Variants in HTD2 observed in about 807,000 individuals in gnomAD.
HTD2 encodes hydroxyacyl-thioester dehydratase type 2.
Under a neutral mutation model 3.1 loss-of-function variants are expected in HTD2, and 1 was observed. The ratio of observed to expected loss-of-function variants is 0.32; its 90% CI spans 0.11 to 1.52. HTD2 has a LOEUF of 1.52. HTD2 is among the 40% of genes most tolerant of loss of function. The pLI, the probability that HTD2 is intolerant of heterozygous loss-of-function variation, is 0.39. For synonymous variants in HTD2, 50 were observed against 28.9 expected (o/e 1.73, Z -2.34); for missense variants, 150 against 79.6 (o/e 1.88, Z -3.36).
intron 1 of HTD2, among the ~76,000 whole-genome samples, chr3:58,309,143 C>T (rs753359677): frequency 3.3e-5 from 5 of 152,210 alleles, no homozygotes; most frequent in Non-Finnish European, 5.9e-5. Flanking sequence ...GCAGAACGAC[C>T]ATCCCTCATT....
At chr3:58,310,982 T>A (rs368908767) in intron 2 of HTD2, among the ~76,000 whole-genome samples, 16 of 130,158 alleles carry the variant, frequency 1.2e-4, no homozygotes, top group South Asian at 2.4e-4. Flanking sequence ...AAAAAAAAAA[T>A]AAATTATACA....
At chr3:58,310,902 C>G (rs898574112) in intron 2 of HTD2, among the ~76,000 whole-genome samples, 2 of 149,404 alleles carry the variant, frequency 1.3e-5, no homozygotes, top group Non-Finnish European at 3.0e-5. Flanking sequence ...TGCACTCCAG[C>G]CTGGCAACAG....
intron 1 of HTD2, among the ~76,000 whole-genome samples, chr3:58,307,043 G>C (rs1380562019): frequency 6.6e-6 from 1 of 152,352 alleles, no homozygotes; most frequent in East Asian, 1.9e-4. Context: ...TCCGGTGGCT[G>C]CCTGGAGGAA....
At chr3:58,314,326 G>C (rs1417373860) in intron 2 of HTD2, among the ~76,000 whole-genome samples, 2 of 152,192 alleles carry the variant, frequency 1.3e-5, no homozygotes, top group African/African-American at 4.8e-5. Flanking sequence ...ACTCCAGCCA[G>C]GGTGACAGAG....
At position 58,310,383 on chromosome 3, in the gene HTD2, G is replaced by A. The variant is rs750201169; in HGVS notation, c.-415-124G>A. Reference sequence around the variant, plus strand: ...GAGTAGTTTACAAAAACCCTTCCGAGTACCACTACATGAAAGTCTGCCTGT... The same window carrying A: ...GAGTAGTTTACAAAAACCCTTCCGAATACCACTACATGAAAGTCTGCCTGT... On this transcript the variant is annotated intron_variant, in intron 1 of 4. Transcript: ENST00000461393. 9.9e-6 allele frequency: 16 copies of A among 1,613,902 alleles called. No homozygotes were observed. The Admixed American group carries it at 2.7e-4, about 27-fold the overall frequency.
In HTD2 at chr3:58,318,940, C is replaced by G. The variant is rs2097491442; in HGVS notation, c.*820C>G. 1 of 151,410 alleles carries G rather than the reference C, an allele frequency of 6.6e-6. No individual in the cohort carries two copies. The highest frequency in any genetic ancestry group is 1.5e-5 in the Non-Finnish European group (1 of 67,966). The allele number at this position is 151,410 out of a possible 1,614,324, so 9.4% of individuals were successfully genotyped here. On this transcript the variant is annotated 3_prime_UTR_variant, in exon 5 of 5. Transcript: ENST00000461393. ...CTTGAACCTGGGAGGTTGCAGTGAG[C>G]TGAAATCACACCACTGCACTTCAGC...
rs78662364 is a variant in HTD2 at position 58,306,926 on chromosome 3, G to A, written c.-416+275G>A. Among the ~76,000 whole-genome samples, 1,261 of 152,316 alleles carry A rather than the reference G, an allele frequency of 8.3e-3. 19 individuals are homozygous for A. Among genetic ancestry groups the A allele is most frequent in the African/African-American group, 0.029 (1,206 of 41,560 alleles). On this transcript the variant is annotated intron_variant, in intron 1 of 4. Coordinates refer to ENST00000461393, the MANE Select transcript of HTD2 (RefSeq NM_001348712.2). ...AGAAAAAGGCAAATGCTACGAAGAA[G>A]AAAGCAGGGACGGGGCATGGGGGTG...
At position 58,318,141 on chromosome 3, in the gene HTD2, A is replaced by G. The variant is rs2097490342; in HGVS notation, c.*21A>G. 1 of 622,570 alleles carries G rather than the reference A, an allele frequency of 1.6e-6. No individual in the cohort carries two copies. Among genetic ancestry groups the G allele is most frequent in the African/African-American group, 1.8e-5 (1 of 54,378 alleles). The allele number at this position is 622,570 out of a possible 1,614,324, so 38.6% of individuals were successfully genotyped here. On this transcript the variant is annotated 3_prime_UTR_variant, in exon 5 of 5. Transcript: ENST00000461393. The stretch of plus-strand genomic sequence containing the variant: ...CCTGAAATAGATGTTTTAAAGATGC[A>G]ACCTCAAACACCAATGCTGTTGTTA...
Position 58,317,840 on chromosome 3 carries a change from C to T in HTD2, c.227C>T (p.Thr76Ile). The change falls in exon 5 of 5, where the codon ACC (threonine) becomes ATC (isoleucine). Residue 76 changes from threonine to isoleucine, a missense_variant. Thr to Ile is a moderately conservative substitution (Grantham distance 89). Transcript: ENST00000461393. The stretch of plus-strand genomic sequence containing the variant: ...TTGAATGAAGACTTTGCAAAACACA[C>T]CAAGTTTGGAAATACAATTGTACAT... The part of the protein sequence containing the change: ...LHLNEDFAKH[T>I]KFGNTIVHGV... 1.4e-6 allele frequency: 1 copy of T among 703,022 alleles called. No homozygotes were observed. The highest frequency in any genetic ancestry group is 2.6e-6 in the Non-Finnish European group (1 of 385,002). 43.5% of individuals were successfully genotyped at this position (703,022 alleles called of 1,614,324 possible). A position where few individuals can be genotyped will look rare whatever the true frequency, so the allele number is the denominator to read the frequency against.
chr3:58,310,275 A>G lies in HTD2; in HGVS notation c.-415-232A>G, dbSNP rs372460517. ...CAAAACTCTGAAAAATAGCATGTGC[A>G]TTGGTCATTTCTAGCCCTCTTGACT... is the stretch of plus-strand genomic sequence containing the variant. On this transcript the variant is annotated intron_variant, in intron 1 of 4. Transcript: ENST00000461393. The G allele has an allele frequency of 4.7e-6, 7 of 1,499,720 alleles. No homozygotes were observed. In the Middle Eastern group the frequency reaches 5.2e-4, roughly 111 times the overall value. The allele number at this position is 1,499,720 out of a possible 1,614,324, so 92.9% of individuals were successfully genotyped here.
At position 58,317,533 on chromosome 3, in the gene HTD2, C is replaced by T. The variant is rs375342958; in HGVS notation, c.-81C>T. On this transcript the variant is annotated 5_prime_UTR_variant, in exon 5 of 5. Coordinates refer to ENST00000461393, the MANE Select transcript of HTD2 (RefSeq NM_001348712.2). The stretch of plus-strand genomic sequence containing the variant: ...TCCATTTTGGAAACGTTCATCCACT[C>T]TCATATTTATTTTTTGGTGCCTGCA... The T allele has an allele frequency of 2.8e-5, 39 of 1,397,242 alleles. No individual in the cohort carries two copies. Among genetic ancestry groups the T allele is most frequent in the South Asian group, 2.6e-4 (22 of 85,140 alleles). 86.6% of individuals were successfully genotyped at this position (1,397,242 alleles called of 1,614,324 possible).
Position 58,316,551 on chromosome 3 carries a change from G to A in HTD2, c.-294G>A, listed in dbSNP as rs1419522024. On this transcript the variant is annotated 5_prime_UTR_variant, in exon 3 of 5. An upstream start codon of the reference 5' UTR is lost. Transcript: ENST00000461393. ...CTTACCTTTGGACATCCTAACCTATGAAGAGAAGACCTTGTCAGCCATCTT... is the reference window on the plus strand; with the variant it reads ...CTTACCTTTGGACATCCTAACCTATAAAGAGAAGACCTTGTCAGCCATCTT... The A allele has an allele frequency of 6.2e-7, 1 of 1,614,138 alleles. No homozygotes were observed.
At chr3:58,313,889 T>C (rs1474123552) in intron 2 of HTD2, among the ~76,000 whole-genome samples, 2 of 151,852 alleles carry the variant, frequency 1.3e-5, no homozygotes, top group African/African-American at 4.8e-5. Flanking sequence ...GTGTCTAGAA[T>C]ATATAAATGA....
intron 2 of HTD2, among the ~76,000 whole-genome samples, chr3:58,313,002 G>T (rs560063586): frequency 7.3e-6 from 1 of 137,540 alleles, no homozygotes; most frequent in Non-Finnish European, 1.5e-5. Flanking sequence ...GGTAGCTCAC[G>T]CCTGTAATCC....
intron 2 of HTD2, among the ~76,000 whole-genome samples, chr3:58,313,429 A>T (rs1358697766): frequency 1.3e-5 from 2 of 152,236 alleles, no homozygotes; most frequent in Non-Finnish European, 2.9e-5. Context: ...AGAAGACAGG[A>T]TGCTCAGGAA....
intron 2 of HTD2, 51 bp downstream of exon 2, chr3:58,310,642 A>G: frequency 1.3e-6 from 2 of 1,521,628 alleles, no homozygotes; most frequent in Admixed American, 4.0e-5. Context: ...TGTAAGAAAT[A>G]CAGAAAGAGG....
intron 3 of HTD2, 143 bp downstream of exon 3, chr3:58,316,734 C>A: frequency 1.1e-6 from 1 of 874,626 alleles, no homozygotes; most frequent in Non-Finnish European, 1.8e-6. Flanking sequence ...TGAATATGAA[C>A]ATTCATCCAC....
At chr3:58,308,366 C>G (rs2097477999) in intron 1 of HTD2, among the ~76,000 whole-genome samples, 1 of 152,146 alleles carries the variant, frequency 6.6e-6, no homozygotes, top group Non-Finnish European at 1.5e-5. Context: ...GCACTGTATC[C>G]TTAACCTCCC....
intron 2 of HTD2, among the ~76,000 whole-genome samples, chr3:58,315,061 G>A (rs1223364980): frequency 7.2e-5 from 11 of 152,056 alleles, no homozygotes; most frequent in Admixed American, 6.6e-4. Flanking sequence ...TGTTCCAGAG[G>A]ACTGAAAACT....
Sources: gnomAD v4.1 joint callset for allele counts (sites outside exome capture counted in the v4.1 genomes callset) on GRCh38, gnomAD v4.1.1 for gene constraint, MANE v1.5 for transcripts, NCBI Gene and HGNC (gene_info 2026-07-23, HGNC 2026-07-21) for gene names.